Variants in BBS4 observed in about 807,000 individuals in gnomAD.
The protein encoded by BBS4 is Bardet-Biedl syndrome 4, also known as BBSome complex member BBS4.
Under a neutral mutation model 71.4 loss-of-function variants are expected in BBS4, and 58 were observed. The ratio of observed to expected loss-of-function variants is 0.81; its 90% CI spans 0.66 to 1.01. The LOEUF is 1.01. BBS4 is among the 50% of genes least tolerant of loss of function. BBS4 has a pLI of 0.00. For missense variants in BBS4, 660 were observed against 607.9 expected, an observed-to-expected ratio of 1.09 and a Z score of -0.90; for synonymous variants, 228 against 216.8, an observed-to-expected ratio of 1.05 and a Z score of -0.46.
At chr15:72,694,705 C>G (rs2150996586) in intron 1 of BBS4, among the ~76,000 whole-genome samples, 2 of 152,242 alleles carry the variant, frequency 1.3e-5, no homozygotes, top group South Asian at 4.1e-4. Flanking sequence ...AAGAAAAATT[C>G]ATTTGATGGT....
chr15:72,705,077 C>T (rs543659008), intron 2 of BBS4, among the ~76,000 whole-genome samples: 17 of 152,192 alleles, frequency 1.1e-4, no homozygotes, highest in African/African-American at 2.2e-4. Context: ...ACCCCCCACC[C>T]GGCACTGTTT....
chr15:72,693,726 C>T (rs1393864623), intron 1 of BBS4, among the ~76,000 whole-genome samples: 1 of 151,928 alleles, frequency 6.6e-6, no homozygotes, highest in Non-Finnish European at 1.5e-5. Context: ...ATGGATTTGA[C>T]CTGTGGGCCA....
intron 6 of BBS4, among the ~76,000 whole-genome samples, chr15:72,720,063 A>T (rs1278497587): frequency 2.0e-5 from 3 of 149,198 alleles, no homozygotes; most frequent in East Asian, 2.0e-4. Context: ...TAACTTTAAA[A>T]TTTTTCTTTA....
chr15:72,721,435 G>A (rs4777529), intron 6 of BBS4, among the ~76,000 whole-genome samples: 17,905 of 151,832 alleles, frequency 0.12, 1,688 homozygotes, highest in East Asian at 0.46. Context: ...CTGCACTTAC[G>A]TATGATTGAA....
intron 1 of BBS4, among the ~76,000 whole-genome samples, chr15:72,692,025 A>G (rs1489114862): frequency 6.6e-6 from 1 of 150,918 alleles, no homozygotes; most frequent in African/African-American, 2.4e-5. Context: ...TGAGGTGCTT[A>G]GGGTTCACAT....
At chr15:72,691,035 G>C (rs1351845805) in intron 1 of BBS4, among the ~76,000 whole-genome samples, 3 of 152,058 alleles carry the variant, frequency 2.0e-5, no homozygotes, top group Admixed American at 2.0e-4. Flanking sequence ...AAATTTTTGT[G>C]AATTTTTAAA....
chr15:72,725,009 G>A (rs1000765122), intron 8 of BBS4, among the ~76,000 whole-genome samples: 1 of 150,924 alleles, frequency 6.6e-6, no homozygotes, highest in Non-Finnish European at 1.5e-5. Flanking sequence ...GAGATGGTTT[G>A]GGAAGCTAAG....
At chr15:72,714,980 A>T (rs2065442323) in intron 4 of BBS4, among the ~76,000 whole-genome samples, 1 of 152,220 alleles carries the variant, frequency 6.6e-6, no homozygotes, top group Non-Finnish European at 1.5e-5. Flanking sequence ...AAGCCCCAAA[A>T]TGTTGTTAAT....
At chr15:72,718,769 A>G (rs952840310) in intron 6 of BBS4, among the ~76,000 whole-genome samples, 1 of 152,220 alleles carries the variant, frequency 6.6e-6, no homozygotes, top group Non-Finnish European at 1.5e-5. Flanking sequence ...ATACTCAACT[A>G]GAATAGGAAA....
At chr15:72,686,348 GC>G (rs2064835596) in intron 1 of BBS4, 97 bp downstream of exon 1, 1 of 1,543,052 alleles carries the variant, frequency 6.5e-7, no homozygotes, top group African/African-American at 1.4e-5. Flanking sequence ...GAGAGGCGGA[GC>G]TGGGTGCCGA....
At chr15:72,707,177 CTTTTCTTTTT>C (rs965294762) in intron 2 of BBS4, among the ~76,000 whole-genome samples, 1 of 132,448 alleles carries the variant, frequency 7.6e-6, no homozygotes, top group African/African-American at 2.7e-5. Flanking sequence ...TTCCTTTTTT[CTTTTCTTTTT>C]TTTTTTTTGG....
Position 72,686,231 on chromosome 15 carries a change from G to C in BBS4, c.4G>C (p.Ala2Pro). 1 of 1,565,160 alleles carries C rather than the reference G, an allele frequency of 6.4e-7. No individual in the cohort carries two copies. M[A>P]EERVATRTQF... is the part of the protein sequence containing the mutation. The stretch of plus-strand genomic sequence containing the variant: ...CGCAGCGGTGGGCTGAGCTAAAATG[G>C]CTGAGGAGAGAGTCGCGACGGTGAG... The change falls in exon 1 of 16, where the codon GCT (alanine) becomes CCT (proline). Residue 2 changes from alanine to proline, a missense_variant. Coordinates refer to ENST00000268057, the MANE Select transcript of BBS4 (RefSeq NM_033028.5).
At position 72,712,236 on chromosome 15, in the gene BBS4, T is replaced by C. The variant is rs1236095359; in HGVS notation, c.157-8T>C. The C allele has an allele frequency of 1.9e-6, 3 of 1,613,612 alleles. No homozygotes were observed. Among genetic ancestry groups the C allele is most frequent in the Non-Finnish European group, 2.5e-6 (3 of 1,179,680 alleles). ...CACTGCTCAGAAGCATTTTTCTCCCTCTTTCAGGCTGTTATCAAAGAACAG... is the reference window on the plus strand; with the variant it reads ...CACTGCTCAGAAGCATTTTTCTCCCCCTTTCAGGCTGTTATCAAAGAACAG... On this transcript the variant is annotated splice_polypyrimidine_tract_variant and splice_region_variant and intron_variant, in intron 3 of 15. Coordinates refer to ENST00000268057, the MANE Select transcript of BBS4 (RefSeq NM_033028.5).
chr15:72,698,467 C>A (rs1335866098), intron 2 of BBS4, among the ~76,000 whole-genome samples: 1 of 152,138 alleles, frequency 6.6e-6, no homozygotes, highest in Non-Finnish European at 1.5e-5. Flanking sequence ...CTAGGTTTTT[C>A]ATGTAAGGTG....
At chr15:72,687,468 G>C (rs930478194) in intron 1 of BBS4, among the ~76,000 whole-genome samples, 2 of 151,626 alleles carry the variant, frequency 1.3e-5, no homozygotes, top group Non-Finnish European at 2.9e-5. Context: ...GCGGGGCATC[G>C]TGGCGCTCGC....
intron 5 of BBS4, among the ~76,000 whole-genome samples, chr15:72,716,141 G>A (rs182821811): frequency 6.1e-4 from 93 of 152,300 alleles, no homozygotes; most frequent in Admixed American, 1.4e-3. Context: ...TTTACAATGG[G>A]TTTACTGGGA....
At chr15:72,700,137 A>C (rs895098254) in intron 2 of BBS4, among the ~76,000 whole-genome samples, 1 of 151,978 alleles carries the variant, frequency 6.6e-6, no homozygotes, top group Non-Finnish European at 1.5e-5. Context: ...ACGGGATTTC[A>C]CCATATTAGC....
intron 7 of BBS4, among the ~76,000 whole-genome samples, chr15:72,723,927 G>A (rs531569977): frequency 1.3e-5 from 2 of 152,290 alleles, no homozygotes; most frequent in South Asian, 4.1e-4. Flanking sequence ...AACAGGCTAG[G>A]CAAATACAAT....
At chr15:72,704,381 A>C in intron 2 of BBS4, 1 of 1,155,538 alleles carries the variant, frequency 8.7e-7, no homozygotes, top group African/African-American at 1.6e-5. Context: ...TAATTCTCAT[A>C]ATACCTGTGA....
Sources: gnomAD v4.1 joint callset for allele counts (sites outside exome capture counted in the v4.1 genomes callset) on GRCh38, gnomAD v4.1.1 for gene constraint, MANE v1.5 for transcripts, NCBI Gene and HGNC (gene_info 2026-07-23, HGNC 2026-07-21) for gene names.